The following OR2B3 variants were observed in gnomAD, a reference collection of about 807,000 sequenced individuals.
The protein encoded by OR2B3 is putative olfactory receptor 2B3.
For synonymous variants in OR2B3, 123 were observed against 133.8 expected (o/e 0.92, Z 0.56); for missense variants, 341 against 374.8 (o/e 0.91, Z 0.74).
At position 29,087,041 on chromosome 6, in the gene OR2B3, C is replaced by T. The variant is rs1760651242; in HGVS notation, c.208G>A (p.Asp70Asn). 6.2e-7 allele frequency: 1 copy of T among 1,614,012 alleles called. No homozygotes were observed. The highest frequency in any genetic ancestry group is 8.5e-7 in the Non-Finnish European group (1 of 1,180,010). ...ACTGTAGTTGTGGTATAGCAGAGAT[C>T]TAAGATGGAGAGATTAGTGAGAAAG... ...YFFLTNLSILDLCYTTTTVPH... is the reference protein window; with the variant it reads ...YFFLTNLSILNLCYTTTTVPH... The change falls in exon 1 of 1, where the codon GAT (aspartate) becomes AAT (asparagine). Residue 70 changes from aspartate to asparagine, a missense_variant. Transcript: ENST00000377173.
In OR2B3 at chr6:29,087,157, A is replaced by G. The variant is rs748396083; in HGVS notation, c.92T>C (p.Leu31Pro). Residue 31 changes from leucine (L) to proline (P), a missense_variant, in exon 1 of 1, where the codon CTG becomes CCG. By Grantham distance (98) the Leu-to-Pro change is moderately conservative. Coordinates refer to ENST00000377173, the MANE Select transcript of OR2B3 (RefSeq NM_001005226.2). ...TATGGTGATTGTGTATGATATTAAC[A>G]GGACCACAAAAAGGGGCATTTGTAG... ...AWLQMPLFVV[L>P]LISYTITIFG... 8 of 1,614,168 alleles carry G rather than the reference A, an allele frequency of 5.0e-6. No individual in the cohort carries two copies. Among genetic ancestry groups the G allele is most frequent in the Admixed American group, 1.7e-5 (1 of 60,026 alleles).
Position 29,086,562 on chromosome 6 carries a change from C to A in OR2B3, c.687G>T (p.Arg229Ser). 1 of 1,614,082 alleles carries A rather than the reference C, an allele frequency of 6.2e-7. No homozygotes were observed. The highest frequency in any genetic ancestry group is 1.1e-5 in the South Asian group (1 of 91,070). ...GFIAQAVLKI[R>S]SAEGRQKAFG... ...ATGCTTTTTGCCGTCCTTCTGCTGA[C>A]CTGATTTTTAATACTGCTTGAGCTA... Residue 229 changes from arginine to serine, a missense_variant, in exon 1 of 1, where the codon AGG (arginine) becomes AGT (serine). Arg to Ser is a moderately radical substitution (Grantham distance 110, BLOSUM62 -1). Transcript: ENST00000377173.
Position 29,086,387 on chromosome 6 carries a change from G to C in OR2B3, c.862C>G (p.Leu288Val). ...TCTTTATTTCTAAGGCTGTAGATGAGGGAGTTCAACATGGATGTGATGATT... is the reference window on the plus strand; with the variant it reads ...TCTTTATTTCTAAGGCTGTAGATGACGGAGTTCAACATGGATGTGATGATT... ...YGIITSMLNSLIYSLRNKDMK... is the reference protein window; with the variant it reads ...YGIITSMLNSVIYSLRNKDMK... The change falls in exon 1 of 1, where the codon CTC becomes GTC. Residue 288 changes from leucine to valine, a missense_variant. Transcript: ENST00000377173. 6.2e-7 allele frequency: 1 copy of C among 1,613,976 alleles called. No homozygotes were observed. The highest frequency in any genetic ancestry group is 1.1e-5 in the South Asian group (1 of 91,052).
At position 29,087,218 on chromosome 6, in the gene OR2B3, C is replaced by G. The variant is rs2150919175; in HGVS notation, c.31G>C (p.Glu11Gln). ...TCTGAGAAGCCAAGTAGTATAAACT[C>G]TTTTGGGGAGCTCTCATTTTCCCAA... MNWENESSPK[E>Q]FILLGFSDRA... The change falls in exon 1 of 1, where the codon GAG becomes CAG. Residue 11 changes from glutamate (E) to glutamine (Q), a missense_variant. Transcript: ENST00000377173. 12 of 1,606,500 alleles carry G rather than the reference C, an allele frequency of 7.5e-6. No homozygotes were observed. The highest frequency in any genetic ancestry group is 9.4e-6 in the Non-Finnish European group (11 of 1,175,436).
rs993555954 is a variant in OR2B3 at position 29,086,918 on chromosome 6, C to G, written c.331G>C (p.Glu111Gln). ...LIIFLALGATECLLLAVMSFD... is the reference protein window; with the variant it reads ...LIIFLALGATQCLLLAVMSFD... ...GACATAACAGCCAGAAGGAGACACT[C>G]TGTAGCACCTAGGGCCAGGAAGATG... The change falls in exon 1 of 1, where the codon GAG (glutamate) becomes CAG (glutamine). Residue 111 changes from glutamate to glutamine, a missense_variant. Glu to Gln is a conservative substitution (Grantham distance 29). Coordinates refer to ENST00000377173, the MANE Select transcript of OR2B3 (RefSeq NM_001005226.2). The G allele has an allele frequency of 4.3e-6, 7 of 1,614,092 alleles. No homozygotes were observed. Among genetic ancestry groups the G allele is most frequent in the Non-Finnish European group, 5.9e-6 (7 of 1,180,034 alleles).
Position 29,086,643 on chromosome 6 carries a change from AAAG to A in OR2B3, c.603_605del (p.Phe202del), listed in dbSNP as rs776312393. On this transcript the variant is annotated inframe_deletion, in exon 1 of 1. Coordinates refer to ENST00000377173, the MANE Select transcript of OR2B3 (RefSeq NM_001005226.2). ...CTGGAATTAGAAGAATTAGTACACT[AAAG>A]AAGAAGAGCTCAGCCTCAATAGGCT... 65 of 1,613,972 alleles carry A rather than the reference AAAG, an allele frequency of 4.0e-5. No individual in the cohort carries two copies. The highest frequency in any genetic ancestry group is 2.3e-4 in the South Asian group (21 of 91,094).
Position 29,087,249 on chromosome 6 carries a change from G to C in OR2B3, c.-1C>G. ...GGGAGCTCTCATTTTCCCAATTCAT[G>C]ATGACTCACTTATTTCGCACTCCTA... is the stretch of plus-strand genomic sequence containing the variant. On this transcript the variant is annotated 5_prime_UTR_variant, in exon 1 of 1. In the 5' UTR this introduces an upstream ATG that the reference lacks. Transcript: ENST00000377173. 2 of 1,589,434 alleles carry C rather than the reference G, an allele frequency of 1.3e-6. No homozygotes were observed. Among genetic ancestry groups the C allele is most frequent in the South Asian group, 1.1e-5 (1 of 88,172 alleles).
In OR2B3 at chr6:29,086,318, A is replaced by G. The variant is rs748380512; in HGVS notation, c.931T>C (p.Cys311Arg). 53 of 1,577,074 alleles carry G rather than the reference A, an allele frequency of 3.4e-5. No individual in the cohort carries two copies. Among genetic ancestry groups the G allele is most frequent in the Non-Finnish European group, 4.0e-5 (47 of 1,162,282 alleles). Reference sequence around the variant, plus strand: ...CAATGGAGTACTTCTTATTTCTTACAGAAAAAGATTCTTGGCATCAGCCTC... The same window carrying G: ...CAATGGAGTACTTCTTATTTCTTACGGAAAAAGATTCTTGGCATCAGCCTC... ...FKRLMPRIFFCKK is the reference protein window; with the variant it reads ...FKRLMPRIFFRKK The change falls in exon 1 of 1, where the codon TGT (cysteine) becomes CGT (arginine). Residue 311 changes from cysteine (C) to arginine (R), a missense_variant. Coordinates refer to ENST00000377173, the MANE Select transcript of OR2B3 (RefSeq NM_001005226.2).
Position 29,086,761 on chromosome 6 carries a change from G to A in OR2B3, c.488C>T (p.Thr163Ile). The change falls in exon 1 of 1, where the codon ACT becomes ATT. Residue 163 changes from threonine to isoleucine, a missense_variant. Physicochemically the swap from Thr to Ile is moderately conservative, Grantham distance 89. Coordinates refer to ENST00000377173, the MANE Select transcript of OR2B3 (RefSeq NM_001005226.2). ...FGNSVLQSSL[T>I]LNMPRCGHQE... ...GTGACCACAGCGTGGCATGTTAAGA[G>A]TCAAGGAAGACTGCAGCACTGAGTT... 6.2e-7 allele frequency: 1 copy of A among 1,614,172 alleles called. No homozygotes were observed.
rs202165015 is a variant in OR2B3, at chr6:29,086,353, T to G, written c.896A>C (p.Glu299Ala). The change falls in exon 1 of 1, where the codon GAG (glutamate) becomes GCG (alanine). Residue 299 changes from glutamate to alanine, a missense_variant. Glu to Ala is a moderately radical substitution (Grantham distance 107). Transcript: ENST00000377173. ...TCTTGGCATCAGCCTCTTGAAGGCC[T>G]CCTTCATATCTTTATTTCTAAGGCT... Reference protein sequence around the residue: ...IYSLRNKDMKEAFKRLMPRIF... With the variant: ...IYSLRNKDMKAAFKRLMPRIF... 1.9e-6 allele frequency: 3 copies of G among 1,607,004 alleles called. No individual in the cohort carries two copies. Among genetic ancestry groups the G allele is most frequent in the Non-Finnish European group, 2.5e-6 (3 of 1,177,802 alleles).
Position 29,086,245 on chromosome 6 carries a change from G to T in OR2B3, c.*62C>A. ...GGAAAATAGGAAAATGAGTTCAAAGGTCATTACCATCATTGAAGATAAGGA... is the reference window on the plus strand; with the variant it reads ...GGAAAATAGGAAAATGAGTTCAAAGTTCATTACCATCATTGAAGATAAGGA... On this transcript the variant is annotated 3_prime_UTR_variant, in exon 1 of 1. Coordinates refer to ENST00000377173, the MANE Select transcript of OR2B3 (RefSeq NM_001005226.2). The T allele has an allele frequency of 1.0e-6, 1 of 989,564 alleles. No homozygotes were observed. The highest frequency in any genetic ancestry group is 1.5e-6 in the Non-Finnish European group (1 of 661,952). 61.3% of individuals were successfully genotyped at this position (989,564 alleles called of 1,614,324 possible).
At position 29,087,111 on chromosome 6, in the gene OR2B3, C is replaced by A; in HGVS notation, c.138G>T (p.Met46Ile). ...TITIFGNVSIMMVCILDPKLH... is the reference protein window; with the variant it reads ...TITIFGNVSIIMVCILDPKLH... ...GTTTGGGATCCAGAATGCACACCATCATGATGGACACATTGCCAAATATGG... is the reference window on the plus strand; with the variant it reads ...GTTTGGGATCCAGAATGCACACCATAATGATGGACACATTGCCAAATATGG... The change falls in exon 1 of 1, where the codon ATG (methionine) becomes ATT (isoleucine). Residue 46 changes from methionine to isoleucine, a missense_variant. Met to Ile is a conservative substitution (Grantham distance 10). Coordinates refer to ENST00000377173, the MANE Select transcript of OR2B3 (RefSeq NM_001005226.2). 7 of 1,614,146 alleles carry A rather than the reference C, an allele frequency of 4.3e-6. No individual in the cohort carries two copies. The highest frequency in any genetic ancestry group is 5.9e-6 in the Non-Finnish European group (7 of 1,180,022).
Position 29,087,019 on chromosome 6 carries a change from G to A in OR2B3, c.230C>T (p.Thr77Ile), listed in dbSNP as rs767546356. 4 of 1,614,066 alleles carry A rather than the reference G, an allele frequency of 2.5e-6. No homozygotes were observed. The East Asian group carries it at 8.9e-5, about 36-fold the overall frequency. ...AATATTTACCAACATATGAGGGACTGTAGTTGTGGTATAGCAGAGATCTAA... is the reference window on the plus strand; with the variant it reads ...AATATTTACCAACATATGAGGGACTATAGTTGTGGTATAGCAGAGATCTAA... ...SILDLCYTTTTVPHMLVNIGC... is the reference protein window; with the variant it reads ...SILDLCYTTTIVPHMLVNIGC... Residue 77 changes from threonine to isoleucine, a missense_variant, in exon 1 of 1, where the codon ACA becomes ATA. Transcript: ENST00000377173.
At position 29,087,107 on chromosome 6, in the gene OR2B3, C is replaced by G. The variant is rs368582306; in HGVS notation, c.142G>C (p.Val48Leu). 10 of 1,614,026 alleles carry G rather than the reference C, an allele frequency of 6.2e-6. No homozygotes were observed. In the Admixed American group the frequency reaches 1.0e-4, roughly 16 times the overall value. Residue 48 changes from valine (V) to leucine (L), a missense_variant, in exon 1 of 1, where the codon GTG becomes CTG. Transcript: ENST00000377173. ...TIFGNVSIMM[V>L]CILDPKLHTP... Reference sequence around the variant, plus strand: ...TGAAGTTTGGGATCCAGAATGCACACCATCATGATGGACACATTGCCAAAT... The same window carrying G: ...TGAAGTTTGGGATCCAGAATGCACAGCATCATGATGGACACATTGCCAAAT...
chr6:29,086,262 A>C lies in OR2B3; in HGVS notation c.*45T>G. On this transcript the variant is annotated 3_prime_UTR_variant, in exon 1 of 1. Coordinates refer to ENST00000377173, the MANE Select transcript of OR2B3 (RefSeq NM_001005226.2). ...GTTCAAAGGTCATTACCATCATTGA[A>C]GATAAGGAAAGACTAAGAAGATTCT... 1 of 1,129,046 alleles carries C rather than the reference A, an allele frequency of 8.9e-7. No homozygotes were observed. The highest frequency in any genetic ancestry group is 1.3e-6 in the Non-Finnish European group (1 of 783,568). 69.9% of individuals were successfully genotyped at this position (1,129,046 alleles called of 1,614,324 possible).
Position 29,086,564 on chromosome 6 carries a change from T to C in OR2B3, c.685A>G (p.Arg229Gly). The change falls in exon 1 of 1, where the codon AGG (arginine) becomes GGG (glycine). Residue 229 changes from arginine (R) to glycine (G), a missense_variant. Coordinates refer to ENST00000377173, the MANE Select transcript of OR2B3 (RefSeq NM_001005226.2). ...GFIAQAVLKI[R>G]SAEGRQKAFG... The stretch of plus-strand genomic sequence containing the variant: ...GCTTTTTGCCGTCCTTCTGCTGACC[T>C]GATTTTTAATACTGCTTGAGCTATG... The C allele has an allele frequency of 8.1e-6, 13 of 1,614,140 alleles. No homozygotes were observed. Among genetic ancestry groups the C allele is most frequent in the Non-Finnish European group, 1.1e-5 (13 of 1,179,986 alleles).
Position 29,087,058 on chromosome 6 carries a change from G to A in OR2B3, c.191C>T (p.Thr64Ile), listed in dbSNP as rs916719083. The part of the protein sequence containing the change: ...KLHTPMYFFL[T>I]NLSILDLCYT... ...GCAGAGATCTAAGATGGAGAGATTA[G>A]TGAGAAAGAAATACATGGGAGTATG... Residue 64 changes from threonine (T) to isoleucine (I), a missense_variant, in exon 1 of 1, where the codon ACT becomes ATT. By Grantham distance (89) the Thr-to-Ile change is moderately conservative. Coordinates refer to ENST00000377173, the MANE Select transcript of OR2B3 (RefSeq NM_001005226.2). 3 of 1,614,102 alleles carry A rather than the reference G, an allele frequency of 1.9e-6. No homozygotes were observed. Among genetic ancestry groups the A allele is most frequent in the Admixed American group, 1.7e-5 (1 of 60,006 alleles).
rs993217888 is a variant in OR2B3, at chr6:29,087,188, C to T, written c.61G>A (p.Ala21Thr). ...EFILLGFSDRAWLQMPLFVVL... is the reference protein window; with the variant it reads ...EFILLGFSDRTWLQMPLFVVL... ...ACAAAAAGGGGCATTTGTAGCCAAGCCCTATCTGAGAAGCCAAGTAGTATA... is the reference window on the plus strand; with the variant it reads ...ACAAAAAGGGGCATTTGTAGCCAAGTCCTATCTGAGAAGCCAAGTAGTATA... The change falls in exon 1 of 1, where the codon GCT becomes ACT. Residue 21 changes from alanine to threonine, a missense_variant. By Grantham distance (58) the Ala-to-Thr change is moderately conservative. Coordinates refer to ENST00000377173, the MANE Select transcript of OR2B3 (RefSeq NM_001005226.2). 6.2e-7 allele frequency: 1 copy of T among 1,614,084 alleles called. No individual in the cohort carries two copies. The highest frequency in any genetic ancestry group is 1.1e-5 in the South Asian group (1 of 91,070).
Position 29,086,423 on chromosome 6 carries a change from G to A in OR2B3, c.826C>T (p.Leu276Phe), listed in dbSNP as rs1207975924. 1.9e-5 allele frequency: 31 copies of A among 1,613,784 alleles called. No homozygotes were observed. The highest frequency in any genetic ancestry group is 2.5e-5 in the Non-Finnish European group (30 of 1,179,722). The change falls in exon 1 of 1, where the codon CTC becomes TTC. Residue 276 changes from leucine to phenylalanine, a missense_variant. By Grantham distance (22) the Leu-to-Phe change is conservative. Coordinates refer to ENST00000377173, the MANE Select transcript of OR2B3 (RefSeq NM_001005226.2). ...ATGGATGTGATGATTCCATAGAAGA[G>A]GGAAACCATCTTTCCCCAGTCCTTA... ...TSKDWGKMVS[L>F]FYGIITSMLN...
Sources: allele counts gnomAD v4.1 joint callset, GRCh38; gene constraint gnomAD v4.1.1; transcripts MANE v1.5; gene names NCBI Gene and HGNC (gene_info 2026-07-23, HGNC 2026-07-21).